Variants in LGSN observed in about 807,000 individuals in gnomAD.
LGSN encodes the protein lengsin, lens protein with glutamine synthetase domain, also known as lengsin.
In LGSN, 21 loss-of-function variants were observed where a neutral mutation model predicts 19.5. The ratio of observed to expected loss-of-function variants is 1.07; its 90% CI spans 0.76 to 1.55. The LOEUF is 1.55. Among genes scored for constraint, LGSN ranks in the 40% most tolerant of loss-of-function variants. The pLI is 0.00. For synonymous variants in LGSN, 257 were observed against 215.6 expected (o/e 1.19, Z -1.68); for missense variants, 673 against 608.5 (o/e 1.11, Z -1.12).
the LGSN span, among the ~76,000 whole-genome samples, chr6:63,464,979 TCACAC>T: frequency 1.4e-5 from 2 of 144,184 alleles, no homozygotes; most frequent in Non-Finnish European, 3.0e-5. Flanking sequence ...TGAGCTGAGA[TCACAC>T]CATTGCACTA....
At chr6:63,286,748 A>G (rs920841931) in intron 2 of LGSN, among the ~76,000 whole-genome samples, 2 of 152,222 alleles carry the variant, frequency 1.3e-5, no homozygotes. Flanking sequence ...TTAGCACAAA[A>G]CACTGAAGTC....
At chr6:63,334,725 G>C in the LGSN span, among the ~76,000 whole-genome samples, 1 of 152,192 alleles carries the variant, frequency 6.6e-6, no homozygotes, top group Non-Finnish European at 1.5e-5. Flanking sequence ...CAAGTGTATA[G>C]TAACCAAAAC....
the LGSN span, among the ~76,000 whole-genome samples, chr6:63,373,876 A>G: frequency 2.0e-5 from 3 of 151,800 alleles, no homozygotes; most frequent in East Asian, 5.9e-4. Flanking sequence ...TGGAGGTTGC[A>G]GTGAGCCAAG....
At chr6:63,338,477 AT>A in the LGSN span, among the ~76,000 whole-genome samples, 7 of 152,046 alleles carry the variant, frequency 4.6e-5, no homozygotes, top group African/African-American at 1.7e-4. Context: ...AGGTTTTCCA[AT>A]TTTTTGGCAT....
chr6:63,440,321 A>G, the LGSN span, among the ~76,000 whole-genome samples: 4 of 152,084 alleles, frequency 2.6e-5, no homozygotes, highest in African/African-American at 4.8e-5. Context: ...TAGGTGGAGG[A>G]GCCTGGCCTC....
the LGSN span, among the ~76,000 whole-genome samples, chr6:63,353,101 G>C: frequency 6.6e-6 from 1 of 152,240 alleles, no homozygotes; most frequent in East Asian, 1.9e-4. Flanking sequence ...TGTAGCCTTT[G>C]AGCTCCAGGA....
At chr6:63,426,914 C>T in the LGSN span, among the ~76,000 whole-genome samples, 1 of 152,146 alleles carries the variant, frequency 6.6e-6, no homozygotes, top group South Asian at 2.1e-4. Context: ...CTCATAAAAT[C>T]AATGTGTCCT....
chr6:63,384,489 T>TTGTG, the LGSN span, among the ~76,000 whole-genome samples: 6,644 of 131,470 alleles, frequency 0.051, 220 homozygotes, highest in South Asian at 0.11. Flanking sequence ...AAATAACACC[T>TTGTG]TGTGTGTGTG....
chr6:63,461,787 T>G, the LGSN span, among the ~76,000 whole-genome samples: 1 of 152,246 alleles, frequency 6.6e-6, no homozygotes, highest in Non-Finnish European at 1.5e-5. Context: ...AATGTGTTGC[T>G]TCCTAAACAT....
chr6:63,350,776 TG>T, the LGSN span, among the ~76,000 whole-genome samples: 2 of 151,776 alleles, frequency 1.3e-5, no homozygotes, highest in Non-Finnish European at 1.5e-5. Flanking sequence ...CACTTGAACC[TG>T]TGGGGCAGAG....
Position 63,294,904 on chromosome 6 carries a change from G to C in LGSN, c.163+9C>G, listed in dbSNP as rs762217032. On this transcript the variant is annotated intron_variant, in intron 2 of 3. Coordinates refer to ENST00000370657, the MANE Select transcript of LGSN (RefSeq NM_016571.3). ...ACACCATTTTTGAGGACTCAGAGTAGTTAGATACCATTTGAATTGGACATA... is the reference window on the plus strand; with the variant it reads ...ACACCATTTTTGAGGACTCAGAGTACTTAGATACCATTTGAATTGGACATA... The C allele has an allele frequency of 1.2e-6, 2 of 1,613,500 alleles. No homozygotes were observed. Among genetic ancestry groups the C allele is most frequent in the Admixed American group, 3.3e-5 (2 of 59,990 alleles).
At chr6:63,523,284 T>A in the LGSN span, among the ~76,000 whole-genome samples, 107 of 152,174 alleles carry the variant, frequency 7.0e-4, 1 homozygote, top group East Asian at 0.019. Context: ...ATACACAATA[T>A]GATGTCTATA....
the LGSN span, among the ~76,000 whole-genome samples, chr6:63,572,921 C>T: frequency 1.3e-5 from 2 of 152,014 alleles, no homozygotes; most frequent in Admixed American, 1.3e-4. Flanking sequence ...GATGCCGGGC[C>T]CCTCGGGGCT....
At chr6:63,495,105 TAAA>T in the LGSN span, among the ~76,000 whole-genome samples, 4 of 152,156 alleles carry the variant, frequency 2.6e-5, no homozygotes, top group Non-Finnish European at 5.9e-5. Context: ...AGATACTCTA[TAAA>T]TTATAGATTT....
At chr6:63,522,228 C>T in the LGSN span, among the ~76,000 whole-genome samples, 18 of 152,110 alleles carry the variant, frequency 1.2e-4, no homozygotes, top group Non-Finnish European at 2.2e-4. Flanking sequence ...TTAAGGGCTA[C>T]AATATATGGC....
At chr6:63,542,736 A>C in the LGSN span, among the ~76,000 whole-genome samples, 3 of 152,134 alleles carry the variant, frequency 2.0e-5, no homozygotes, top group African/African-American at 7.2e-5. Flanking sequence ...CTCCTTTGCC[A>C]ACCTCTCCGC....
At chr6:63,438,591 A>C in the LGSN span, among the ~76,000 whole-genome samples, 2 of 151,802 alleles carry the variant, frequency 1.3e-5, no homozygotes, top group African/African-American at 2.4e-5. Context: ...GCAGCCAAAA[A>C]ACACATGAAA....
chr6:63,439,219 G>A, the LGSN span, among the ~76,000 whole-genome samples: 1 of 152,104 alleles, frequency 6.6e-6, no homozygotes, highest in Non-Finnish European at 1.5e-5. Context: ...TGGGGGCAGT[G>A]GGGAGGGATA....
chr6:63,393,174 C>T, the LGSN span, among the ~76,000 whole-genome samples: 1 of 147,000 alleles, frequency 6.8e-6, no homozygotes, highest in South Asian at 2.2e-4. Flanking sequence ...GGCTGAGCCA[C>T]CGCGCCCAGC....
Sources: allele counts gnomAD v4.1 joint callset (sites outside exome capture counted in the v4.1 genomes callset), GRCh38; gene constraint gnomAD v4.1.1; transcripts MANE v1.5; gene names NCBI Gene and HGNC (gene_info 2026-07-23, HGNC 2026-07-21).